SEMA3A: variants seen among roughly 807,000 people sequenced by gnomAD.
SEMA3A encodes the protein semaphorin 3A.
A neutral mutation model predicts 97.9 loss-of-function variants in SEMA3A; 29 were observed. The ratio of observed to expected loss-of-function variants is 0.30; its 90% CI spans 0.22 to 0.40. SEMA3A has a LOEUF of 0.40. Among genes scored for constraint, SEMA3A ranks in the 10% least tolerant of loss-of-function variants. The probability of loss-of-function intolerance (pLI) is 1.00; values close to 1 mark genes in which losing one functional copy is unlikely to be tolerated. For synonymous variants in SEMA3A, 321 were observed against 323.7 expected (o/e 0.99, Z 0.09); for missense variants, 763 against 951.3 (o/e 0.80, Z 2.60).
intron 3 of SEMA3A, among the ~76,000 whole-genome samples, chr7:84,299,351 T>TCA (rs1800949585): frequency 7.2e-6 from 1 of 139,824 alleles, no homozygotes; most frequent in Admixed American, 7.1e-5. Context: ...TCTCTCTCTC[T>TCA]CTCTCTCTCT....
chr7:84,335,941 T>C (rs1008725671), intron 2 of SEMA3A, among the ~76,000 whole-genome samples: 1 of 152,132 alleles, frequency 6.6e-6, no homozygotes, highest in Non-Finnish European at 1.5e-5. Flanking sequence ...TTTTTTCTTA[T>C]TGTGTCTTCA....
At chr7:84,141,871 T>A (rs1301525666) in intron 1 of SEMA3A, among the ~76,000 whole-genome samples, 1 of 152,140 alleles carries the variant, frequency 6.6e-6, no homozygotes, top group African/African-American at 2.4e-5. Flanking sequence ...TGGTCTCAAT[T>A]TTTATGGCTG....
chr7:84,327,077 C>T (rs1801791680), intron 2 of SEMA3A, among the ~76,000 whole-genome samples: 1 of 151,864 alleles, frequency 6.6e-6, no homozygotes, highest in Non-Finnish European at 1.5e-5. Flanking sequence ...AGTCTAATAT[C>T]CAGCATCTAT....
At chr7:84,255,894 A>G (rs1799710718) in intron 3 of SEMA3A, among the ~76,000 whole-genome samples, 1 of 148,230 alleles carries the variant, frequency 6.7e-6, no homozygotes, top group Non-Finnish European at 1.5e-5. Flanking sequence ...GGCAGATAAA[A>G]CAATCCTGCG....
intron 12 of SEMA3A, among the ~76,000 whole-genome samples, chr7:83,996,172 A>C (rs750799655): frequency 6.6e-6 from 1 of 152,180 alleles, no homozygotes; most frequent in Non-Finnish European, 1.5e-5. Flanking sequence ...AAAAATCAGC[A>C]TAAGTTAGGC....
intron 3 of SEMA3A, among the ~76,000 whole-genome samples, chr7:84,293,218 T>G (rs1800792399): frequency 6.6e-6 from 1 of 152,076 alleles, no homozygotes; most frequent in South Asian, 2.1e-4. Flanking sequence ...CTGTGACGCA[T>G]CTGCCTAGTT....
chr7:84,426,486 T>C (rs1030896484), intron 1 of SEMA3A, among the ~76,000 whole-genome samples: 4 of 152,092 alleles, frequency 2.6e-5, no homozygotes, highest in Non-Finnish European at 5.9e-5. Context: ...ACAAATTATG[T>C]AGTGATAAGA....
At chr7:84,110,428 A>AG in intron 4 of SEMA3A, 42 bp downstream of exon 4, 1 of 1,607,164 alleles carries the variant, frequency 6.2e-7, no homozygotes, top group Non-Finnish European at 8.5e-7. Flanking sequence ...TTGAATAGAA[A>AG]GGGGTCATGG....
chr7:84,416,909 G>A (rs1804451411), intron 1 of SEMA3A, among the ~76,000 whole-genome samples: 1 of 152,238 alleles, frequency 6.6e-6, no homozygotes, highest in African/African-American at 2.4e-5. Context: ...TCCAGATGGA[G>A]TTGCAGCTAT....
intron 1 of SEMA3A, among the ~76,000 whole-genome samples, chr7:84,164,291 G>T (rs17158685): frequency 0.054 from 8,141 of 152,012 alleles, 433 homozygotes; most frequent in African/African-American, 0.14. Flanking sequence ...ATCCTAAATT[G>T]TTACTAAAAT....
intron 4 of SEMA3A, among the ~76,000 whole-genome samples, chr7:84,092,022 C>G (rs938020867): frequency 2.6e-5 from 4 of 152,132 alleles, no homozygotes; most frequent in Admixed American, 2.6e-4. Flanking sequence ...AATACTCTAT[C>G]AGTATCAGAG....
At chr7:84,482,884 T>A (rs2116437183) in intron 1 of SEMA3A, among the ~76,000 whole-genome samples, 1 of 136,658 alleles carries the variant, frequency 7.3e-6, no homozygotes, top group South Asian at 2.4e-4. Flanking sequence ...TTTTTTGGAG[T>A]GTAGTCTCAA....
intron 3 of SEMA3A, among the ~76,000 whole-genome samples, chr7:84,265,307 G>A (rs909107826): frequency 6.6e-6 from 1 of 151,684 alleles, no homozygotes; most frequent in Non-Finnish European, 1.5e-5. Flanking sequence ...ATTCCAGAAT[G>A]GAGCACAGCA....
At chr7:84,029,859 G>T (rs1306001758) in intron 6 of SEMA3A, among the ~76,000 whole-genome samples, 3 of 150,912 alleles carry the variant, frequency 2.0e-5, no homozygotes, top group African/African-American at 7.3e-5. Flanking sequence ...GTAGTAATTT[G>T]GATATTGACT....
intron 3 of SEMA3A, among the ~76,000 whole-genome samples, chr7:84,225,827 GAA>G (rs1204496785): frequency 6.6e-6 from 1 of 150,434 alleles, no homozygotes; most frequent in African/African-American, 2.5e-5. Context: ...GAAGTGGAAA[GAA>G]AGTGAAAAGA....
intron 4 of SEMA3A, among the ~76,000 whole-genome samples, chr7:84,065,808 C>T (rs1306425008): frequency 2.0e-5 from 3 of 151,828 alleles, no homozygotes; most frequent in East Asian, 1.9e-4. Context: ...AGTCCAGGAC[C>T]AGATGGATTC....
chr7:84,313,542 C>A (rs1196679952), intron 2 of SEMA3A, among the ~76,000 whole-genome samples: 1 of 150,600 alleles, frequency 6.6e-6, no homozygotes, highest in Non-Finnish European at 1.5e-5. Context: ...TTTTATTATT[C>A]TTCTCTTTGA....
In SEMA3A at chr7:84,066,269, T is replaced by G. The variant is rs576225818; in HGVS notation, c.454-5711A>C. ...TAAATTAGGTATTGATGGGACGTATTTCAAAATAATAAGAGCTATCTATGA... is the reference window on the plus strand; with the variant it reads ...TAAATTAGGTATTGATGGGACGTATGTCAAAATAATAAGAGCTATCTATGA... On this transcript the variant is annotated intron_variant, in intron 4 of 16. Coordinates refer to ENST00000265362, the MANE Select transcript of SEMA3A (RefSeq NM_006080.3). Among the ~76,000 whole-genome samples the G allele has an allele frequency of 6.8e-4, 104 of 152,122 alleles. No homozygotes were observed. The South Asian group carries it at 0.013, about 19-fold the overall frequency.
At chr7:84,015,421 A>G (rs1450984594) in intron 6 of SEMA3A, among the ~76,000 whole-genome samples, 1 of 152,158 alleles carries the variant, frequency 6.6e-6, no homozygotes, top group East Asian at 1.9e-4. Context: ...TTCAAACAGT[A>G]TTTTTGAACG....
Sources: allele counts gnomAD v4.1 joint callset (sites outside exome capture counted in the v4.1 genomes callset), GRCh38; gene constraint gnomAD v4.1.1; transcripts MANE v1.5; gene names NCBI Gene and HGNC (gene_info 2026-07-23, HGNC 2026-07-21).